ADGRL3: variants seen among roughly 807,000 people sequenced by gnomAD.
The protein encoded by ADGRL3 is adhesion G protein-coupled receptor L3, also known as calcium-independent alpha-latrotoxin receptor 3.
Under a neutral mutation model 153.5 loss-of-function variants are expected in ADGRL3, and 62 were observed. That is an observed-to-expected ratio of 0.40 (90% CI 0.33 to 0.50). ADGRL3 has a LOEUF of 0.50. ADGRL3 is among the 20% of genes least tolerant of loss of function. The pLI, the probability that ADGRL3 is intolerant of heterozygous loss-of-function variation, is 0.47. For missense variants in ADGRL3, 1,641 were observed against 1,859.4 expected, an observed-to-expected ratio of 0.88 and a Z score of 2.16; for synonymous variants, 710 against 672.5, an observed-to-expected ratio of 1.06 and a Z score of -0.86.
chr4:61,788,787 G>GATCT (rs2097306758), intron 8 of ADGRL3, among the ~76,000 whole-genome samples: 1 of 152,116 alleles, frequency 6.6e-6, no homozygotes, highest in South Asian at 2.1e-4. Flanking sequence ...AAAGTTTAAG[G>GATCT]ATCTATGTAC....
intron 15 of ADGRL3, among the ~76,000 whole-genome samples, chr4:61,937,761 C>G (rs2098845314): frequency 6.6e-6 from 1 of 152,142 alleles, no homozygotes; most frequent in East Asian, 1.9e-4. Context: ...AGTGCCTGGT[C>G]CATCTATACA....
Position 61,947,067 on chromosome 4 carries a change from T to C in ADGRL3, c.2573T>C (p.Phe858Ser). 1.2e-6 allele frequency: 2 copies of C among 1,613,872 alleles called. No homozygotes were observed. The highest frequency in any genetic ancestry group is 8.5e-7 in the Non-Finnish European group (1 of 1,179,810). The change falls in exon 16 of 27, where the codon TTC becomes TCC. Residue 858 changes from phenylalanine (F) to serine (S), a missense_variant. Phe to Ser is a radical substitution (Grantham distance 155). Coordinates refer to ENST00000683033, the MANE Select transcript of ADGRL3 (RefSeq NM_001387552.1). ...PVITAAINKE[F>S]SNKVYLADPV... ...ATTACGGCAGCAATAAACAAAGAGTTCAGTAACAAGGTTTATTTGGCTGAT... is the reference window on the plus strand; with the variant it reads ...ATTACGGCAGCAATAAACAAAGAGTCCAGTAACAAGGTTTATTTGGCTGAT...
At chr4:61,513,262 A>C (rs973452207) in intron 3 of ADGRL3, among the ~76,000 whole-genome samples, 4 of 152,172 alleles carry the variant, frequency 2.6e-5, no homozygotes, top group Non-Finnish European at 5.9e-5. Flanking sequence ...TACTTACTTA[A>C]TTTTAAAAAA....
At chr4:61,569,760 T>A (rs1388619451) in intron 4 of ADGRL3, among the ~76,000 whole-genome samples, 1 of 152,180 alleles carries the variant, frequency 6.6e-6, no homozygotes, top group Non-Finnish European at 1.5e-5. Flanking sequence ...TGTACTTCAA[T>A]CCTTTTTTTT....
intron 2 of ADGRL3, among the ~76,000 whole-genome samples, chr4:61,428,541 A>G (rs552776223): frequency 6.6e-6 from 1 of 152,318 alleles, no homozygotes; most frequent in South Asian, 2.1e-4. Flanking sequence ...GTTTATATTC[A>G]AATATTGAGA....
intron 2 of ADGRL3, among the ~76,000 whole-genome samples, chr4:61,496,895 C>T (rs1451877788): frequency 1.3e-4 from 19 of 150,954 alleles, no homozygotes; most frequent in East Asian, 2.0e-4. Context: ...GAGCCGAGAT[C>T]GCGCCACTGC....
At chr4:61,299,527 A>G (rs539832871) in intron 1 of ADGRL3, among the ~76,000 whole-genome samples, 6 of 152,302 alleles carry the variant, frequency 3.9e-5, no homozygotes, top group Admixed American at 6.5e-5. Flanking sequence ...AGAGACATCA[A>G]TCTATGCACA....
At chr4:61,602,461 T>C (rs979935219) in intron 5 of ADGRL3, among the ~76,000 whole-genome samples, 2 of 152,226 alleles carry the variant, frequency 1.3e-5, no homozygotes, top group Middle Eastern at 3.4e-3. Flanking sequence ...GGATTTGTAA[T>C]GTGAAGAGGC....
chr4:61,858,879 A>G (rs1025285818), intron 9 of ADGRL3, among the ~76,000 whole-genome samples: 3 of 152,230 alleles, frequency 2.0e-5, no homozygotes, highest in Middle Eastern at 3.4e-3. Flanking sequence ...ATATAGAGAA[A>G]AGTCTAAAGC....
chr4:61,753,885 A>C (rs539959562), intron 8 of ADGRL3, among the ~76,000 whole-genome samples: 47 of 152,282 alleles, frequency 3.1e-4, no homozygotes, highest in Non-Finnish European at 5.0e-4. Context: ...GGAATCTCAG[A>C]TTAGACTTTT....
intron 24 of ADGRL3, 82 bp from the exon 25 acceptor site, chr4:62,044,371 A>T: frequency 1.1e-6 from 1 of 934,440 alleles, no homozygotes; most frequent in Admixed American, 2.1e-5. Flanking sequence ...TCATATAATT[A>T]TGACAGAAAA....
chr4:61,632,674 T>C (rs2093236073), intron 5 of ADGRL3, among the ~76,000 whole-genome samples: 1 of 152,188 alleles, frequency 6.6e-6, no homozygotes, highest in African/African-American at 2.4e-5. Flanking sequence ...TGTTCTGTTT[T>C]CTTGCTTTTT....
intron 1 of ADGRL3, among the ~76,000 whole-genome samples, chr4:61,370,357 G>A (rs944117573): frequency 6.6e-6 from 1 of 151,308 alleles, no homozygotes; most frequent in African/African-American, 2.4e-5. Flanking sequence ...GCTTTCTCTT[G>A]TGGGCATGTA....
chr4:61,436,460 T>G (rs1436258270), intron 2 of ADGRL3, among the ~76,000 whole-genome samples: 1 of 152,166 alleles, frequency 6.6e-6, no homozygotes, highest in African/African-American at 2.4e-5. Flanking sequence ...CATAGTCTAG[T>G]AGGGAAAGGT....
At chr4:61,646,303 T>C (rs930566344) in intron 5 of ADGRL3, among the ~76,000 whole-genome samples, 2 of 152,222 alleles carry the variant, frequency 1.3e-5, no homozygotes, top group Admixed American at 1.3e-4. Context: ...TCATTCTCCA[T>C]CCAGCTTTGT....
chr4:61,912,573 T>G, intron 12 of ADGRL3, 146 bp from the exon 13 acceptor site: 1 of 656,900 alleles, frequency 1.5e-6, no homozygotes, highest in Non-Finnish European at 2.6e-6. Context: ...ATTTTGCTGC[T>G]GCTTAGCTTT....
chr4:61,695,214 A>G (rs1015883863), intron 6 of ADGRL3, among the ~76,000 whole-genome samples: 1 of 152,202 alleles, frequency 6.6e-6, no homozygotes, highest in African/African-American at 2.4e-5. Flanking sequence ...TTCACATCAG[A>G]GAAATCACTG....
intron 1 of ADGRL3, among the ~76,000 whole-genome samples, chr4:61,224,926 C>G (rs1747258857): frequency 6.6e-6 from 1 of 152,110 alleles, no homozygotes; most frequent in Non-Finnish European, 1.5e-5. Context: ...ATTTATTGAG[C>G]TTTGTCTTCT....
chr4:61,826,583 G>A (rs1342406320), intron 9 of ADGRL3, among the ~76,000 whole-genome samples: 1 of 152,200 alleles, frequency 6.6e-6, no homozygotes, highest in East Asian at 1.9e-4. Context: ...GCAGGGTCTT[G>A]TAAGACGTGA....
Sources: gnomAD v4.1 joint callset for allele counts (sites outside exome capture counted in the v4.1 genomes callset) on GRCh38, gnomAD v4.1.1 for gene constraint, MANE v1.5 for transcripts, NCBI Gene and HGNC (gene_info 2026-07-23, HGNC 2026-07-21) for gene names.